The following ERG variants were observed in gnomAD, a reference collection of about 807,000 sequenced individuals.
ERG encodes the protein transcriptional regulator ERG.
ERG carries 9 observed loss-of-function variants against 55.3 expected under a neutral mutation model. That is an observed-to-expected ratio of 0.16 (90% CI 0.10 to 0.28). ERG has a LOEUF of 0.28. Among genes scored for constraint, ERG ranks in the 10% least tolerant of loss-of-function variants. ERG has a pLI of 1.00. For missense variants in ERG, 434 were observed against 631.6 expected (o/e 0.69, Z 3.35); for synonymous variants, 223 against 237.3 (o/e 0.94, Z 0.55).
intron 1 of ERG, among the ~76,000 whole-genome samples, chr21:38,606,635 GA>G (rs1345780950): frequency 6.6e-6 from 1 of 152,080 alleles, no homozygotes; most frequent in Non-Finnish European, 1.5e-5. Flanking sequence ...TTTAAAAACA[GA>G]AATTTAAACC....
downstream of ERG, among the ~76,000 whole-genome samples, chr21:38,377,600 C>T (rs1987279022): frequency 6.6e-6 from 1 of 152,230 alleles, no homozygotes; most frequent in South Asian, 2.1e-4. Flanking sequence ...CATCTTGATA[C>T]ATCCTGGCTT....
intron 3 of ERG, among the ~76,000 whole-genome samples, chr21:38,404,645 A>G (rs1375744226): frequency 6.6e-6 from 1 of 151,976 alleles, no homozygotes; most frequent in Non-Finnish European, 1.5e-5. Context: ...TAATCTCACC[A>G]TTTCTCCACT....
In ERG at chr21:38,380,716, T is replaced by C; in HGVS notation, c.*2687A>G. On this transcript the variant is annotated 3_prime_UTR_variant, in exon 10 of 10. Transcript: ENST00000288319. The stretch of plus-strand genomic sequence containing the variant: ...AGTATTATCATGTTATCCAAAATTA[T>C]CCCAGTTGCTCATAAGACTTGCTAA... 1 of 1,065,146 alleles carries C rather than the reference T, an allele frequency of 9.4e-7. No individual in the cohort carries two copies. Among genetic ancestry groups the C allele is most frequent in the Non-Finnish European group, 1.1e-6 (1 of 879,218 alleles). 66.0% of individuals were successfully genotyped at this position (1,065,146 alleles called of 1,614,324 possible). A position where few individuals can be genotyped will look rare whatever the true frequency, so the allele number is the denominator to read the frequency against.
intron 1 of ERG, among the ~76,000 whole-genome samples, chr21:38,453,699 A>G (rs1005518450): frequency 6.6e-6 from 1 of 152,126 alleles, no homozygotes; most frequent in East Asian, 1.9e-4. Context: ...GCTGGCCAAC[A>G]TGATGAAACC....
intron 2 of ERG, among the ~76,000 whole-genome samples, chr21:38,554,720 C>A (rs2059847065): frequency 6.6e-6 from 1 of 151,920 alleles, no homozygotes; most frequent in Non-Finnish European, 1.5e-5. Flanking sequence ...ACCAATTGGG[C>A]ACTATGCTTA....
At chr21:38,513,855 C>T (rs888422826) in intron 2 of ERG, among the ~76,000 whole-genome samples, 4 of 151,946 alleles carry the variant, frequency 2.6e-5, no homozygotes, top group South Asian at 4.1e-4. Context: ...AAATCTGGTT[C>T]TCTGAAAAGA....
intron 6 of ERG, among the ~76,000 whole-genome samples, chr21:38,396,860 C>T (rs1988245767): frequency 6.6e-6 from 1 of 151,928 alleles, no homozygotes; most frequent in African/African-American, 2.4e-5. Flanking sequence ...GGATTCTGGT[C>T]GTAGTAACTG....
rs181323055 is a variant in ERG, at chr21:38,453,648, C to T, written c.19-8027G>A. On this transcript the variant is annotated intron_variant, in intron 1 of 9. Coordinates refer to ENST00000288319, the MANE Select transcript of ERG (RefSeq NM_182918.4). ...CAGTAATCCCAGCATTTTGGCAGGC[C>T]GAGGCAGGTGGATCACCTGAGGTCA... Among the ~76,000 whole-genome samples the T allele has an allele frequency of 1.1e-4, 17 of 152,070 alleles. No individual in the cohort carries two copies. In the East Asian group the frequency reaches 2.5e-3, roughly 22 times the overall value.
At chr21:38,455,118 CTTTTT>C (rs34764983) in intron 1 of ERG, among the ~76,000 whole-genome samples, 3,480 of 104,804 alleles carry the variant, frequency 0.033, 82 homozygotes, top group South Asian at 0.11. Context: ...TTCTTTCTTT[CTTTTT>C]TTTTTTTTTT....
At chr21:38,604,401 G>T (rs1189789906) in intron 1 of ERG, among the ~76,000 whole-genome samples, 1 of 152,042 alleles carries the variant, frequency 6.6e-6, no homozygotes, top group African/African-American at 2.4e-5. Flanking sequence ...TGTACAGTAT[G>T]ATTACAATAA....
chr21:38,557,498 G>C (rs1415311826), intron 2 of ERG, among the ~76,000 whole-genome samples: 1 of 151,928 alleles, frequency 6.6e-6, no homozygotes, highest in Non-Finnish European at 1.5e-5. Flanking sequence ...CGGACTTCTG[G>C]GACCAACCTG....
At chr21:38,407,457 C>T (rs976337968) in intron 3 of ERG, among the ~76,000 whole-genome samples, 44 of 151,700 alleles carry the variant, frequency 2.9e-4, no homozygotes, top group African/African-American at 1.0e-3. Flanking sequence ...GAGGGAGATA[C>T]AGCAAAACGT....
At chr21:38,657,155 C>CCTATT (rs1784784554) in intron 1 of ERG, among the ~76,000 whole-genome samples, 1 of 152,138 alleles carries the variant, frequency 6.6e-6, no homozygotes. Context: ...ATTCAAATGG[C>CCTATT]CTATTTTACA....
chr21:38,489,882 G>T (rs528398795), intron 1 of ERG, among the ~76,000 whole-genome samples: 2 of 152,348 alleles, frequency 1.3e-5, no homozygotes, highest in East Asian at 1.9e-4. Context: ...CTCAGGAGGG[G>T]TCCCCCTCAT....
chr21:38,552,461 AC>A (rs1488833006), intron 2 of ERG, among the ~76,000 whole-genome samples: 2 of 152,196 alleles, frequency 1.3e-5, no homozygotes, highest in Admixed American at 1.3e-4. Context: ...CAAATCCAGT[AC>A]CACATCAAAA....
chr21:38,554,318 T>C lies in ERG; in HGVS notation c.-41+21344A>G, dbSNP rs867352795. Among the ~76,000 whole-genome samples the C allele has an allele frequency of 2.0e-5, 3 of 152,284 alleles. No homozygotes were observed. In the Middle Eastern group the frequency reaches 0.01, roughly 518 times the overall value. On this transcript the variant is annotated intron_variant, in intron 2 of 8. Coordinates refer to the ERG transcript ENST00000398897. ...ATAGAACTACCATTCAACCCAATAA[T>C]CCCATCACTGGGTATATAAAGGAAT... is the stretch of plus-strand genomic sequence containing the variant.
At chr21:38,567,126 C>G (rs1358009519) in intron 2 of ERG, among the ~76,000 whole-genome samples, 2 of 152,148 alleles carry the variant, frequency 1.3e-5, no homozygotes, top group African/African-American at 4.8e-5. Flanking sequence ...TTCACTAAAC[C>G]CTGCTGCACA....
chr21:38,427,231 C>T lies in ERG; in HGVS notation c.237-3670G>A, dbSNP rs563712837. 1.5e-3 allele frequency among the ~76,000 whole-genome samples: 229 copies of T among 152,196 alleles called. 1 individual carries two copies. Among genetic ancestry groups the T allele is most frequent in the South Asian group, 0.012 (57 of 4,814 alleles). ...CTGGCATTACAGGCGCCTGCCACCA[C>T]GCCTGGCTGATTTTTGTATTTTTAG... On this transcript the variant is annotated intron_variant, in intron 2 of 9. Transcript: ENST00000288319.
Position 38,620,948 on chromosome 21 carries a change from C to T in ERG, c.-149-36003G>A, listed in dbSNP as rs1315690995. Among the ~76,000 whole-genome samples the T allele has an allele frequency of 2.6e-4, 39 of 152,094 alleles. 1 individual carries two copies. The highest frequency in any genetic ancestry group is 2.6e-3 in the Admixed American group (39 of 15,272). ...TTAGACATACTTTACTCATGGCTTC[C>T]CAGAAAAAAAGTGAAGGATGATGCC... On this transcript the variant is annotated intron_variant, in intron 1 of 10. Coordinates refer to the ERG transcript ENST00000398910.
Sources: allele counts gnomAD v4.1 joint callset (sites outside exome capture counted in the v4.1 genomes callset), GRCh38; gene constraint gnomAD v4.1.1; transcripts MANE v1.5; gene names NCBI Gene and HGNC (gene_info 2026-07-23, HGNC 2026-07-21).